GRM7: variants seen among roughly 807,000 people sequenced by gnomAD.
GRM7 encodes the protein glutamate metabotropic receptor 7, also known as metabotropic glutamate receptor 7.
Under a neutral mutation model 84.5 loss-of-function variants are expected in GRM7, and 35 were observed. That is an observed-to-expected ratio of 0.41 (90% confidence interval 0.32 to 0.55). The LOEUF (loss-of-function observed/expected upper bound fraction) is 0.55. GRM7 is among the 20% of genes least tolerant of loss of function. The pLI, the probability that GRM7 is intolerant of heterozygous loss-of-function variation, is 0.19. For missense variants in GRM7, 1,003 were observed against 1,194.6 expected, an observed-to-expected ratio of 0.84 and a Z score of 2.36; for synonymous variants, 487 against 455.1, an observed-to-expected ratio of 1.07 and a Z score of -0.89.
At position 7,486,238 on chromosome 3, in the gene GRM7, T is replaced by C. The variant is rs1699317280; in HGVS notation, c.1515+24516T>C. Among the ~76,000 whole-genome samples the C allele has an allele frequency of 6.6e-6, 1 of 152,168 alleles. No individual in the cohort carries two copies. The highest frequency in any genetic ancestry group is 2.4e-5 in the African/African-American group (1 of 41,432). On this transcript the variant is annotated intron_variant, in intron 7 of 9. Coordinates refer to ENST00000357716, the MANE Select transcript of GRM7 (RefSeq NM_000844.4). The surrounding 1 kb of genome is among the most constrained non-coding windows in gnomAD (Gnocchi z 5.5). ...TTGGTTCCTTCTATTTCCCCTTGTT[T>C]TATTTGTATTTAAGTGTTTTTGCTT...
intron 1 of GRM7, among the ~76,000 whole-genome samples, chr3:7,035,955 T>C (rs1696372739): frequency 6.6e-6 from 1 of 152,236 alleles, no homozygotes; most frequent in Non-Finnish European, 1.5e-5. Flanking sequence ...GCTAAAGTTA[T>C]GACATGCACC....
At chr3:7,305,061 A>G (rs1046262932) in intron 3 of GRM7, among the ~76,000 whole-genome samples, 2 of 152,214 alleles carry the variant, frequency 1.3e-5, no homozygotes, top group African/African-American at 2.4e-5. Flanking sequence ...TCTGATATGT[A>G]TCAGATTTTT....
At chr3:7,180,000 A>G (rs1695284376) in intron 2 of GRM7, among the ~76,000 whole-genome samples, 1 of 152,238 alleles carries the variant, frequency 6.6e-6, no homozygotes, top group Non-Finnish European at 1.5e-5. Context: ...ACTGGTTAAC[A>G]GGGAATTTCA....
At chr3:7,643,393 G>A (rs1208993575) in intron 8 of GRM7, among the ~76,000 whole-genome samples, 10 of 152,010 alleles carry the variant, frequency 6.6e-5, no homozygotes, top group Admixed American at 3.3e-4. Flanking sequence ...GAAAACTGAA[G>A]TACTCATGCC....
chr3:7,406,585 A>G (rs1171082288), intron 4 of GRM7, among the ~76,000 whole-genome samples: 2 of 152,210 alleles, frequency 1.3e-5, no homozygotes, highest in Non-Finnish European at 2.9e-5. Context: ...AGTTTCAAAC[A>G]TTATCAATAT....
intron 2 of GRM7, among the ~76,000 whole-genome samples, chr3:7,290,591 C>A (rs558141435): frequency 6.6e-6 from 1 of 152,274 alleles, no homozygotes; most frequent in African/African-American, 2.4e-5. Context: ...GAGGTGTGGT[C>A]CTCACTGGCA....
chr3:6,922,489 C>T (rs1194007946), intron 1 of GRM7, among the ~76,000 whole-genome samples: 4 of 152,152 alleles, frequency 2.6e-5, no homozygotes, highest in Non-Finnish European at 4.4e-5. Flanking sequence ...AGATTAGATG[C>T]TGTCAAATAG....
At chr3:7,224,358 G>C (rs79372265) in intron 2 of GRM7, among the ~76,000 whole-genome samples, 4,378 of 152,218 alleles carry the variant, frequency 0.029, 209 homozygotes, top group African/African-American at 0.1. Context: ...AGTATCAAAG[G>C]GGGATGGTGC....
At chr3:7,724,043 C>T (rs1354419379) in intron 9 of GRM7, among the ~76,000 whole-genome samples, 7 of 152,088 alleles carry the variant, frequency 4.6e-5, no homozygotes, top group African/African-American at 2.4e-5. Context: ...ACAGAAAGCA[C>T]GTCCACAGAG....
rs111517177 is a variant in GRM7, at chr3:7,667,269, T to TAAAA, written c.2452-12771_2452-12768dup. On this transcript the variant is annotated intron_variant, in intron 8 of 9. Coordinates refer to ENST00000357716, the MANE Select transcript of GRM7 (RefSeq NM_000844.4). ...GGTGACAGAGTGAGACCCTGTCTGT[T>TAAAA]AAAAAAAAAAAAGAGAGAGAGAGAG... Among the ~76,000 whole-genome samples the TAAAA allele has an allele frequency of 4.7e-4, 66 of 140,810 alleles. 1 individual carries two copies. The highest frequency in any genetic ancestry group is 7.2e-4 in the Admixed American group (10 of 13,882). 92.4% of individuals were successfully genotyped at this position (140,810 alleles called of 152,430 possible).
chr3:7,197,711 TTC>T (rs1432312948), intron 2 of GRM7, among the ~76,000 whole-genome samples: 8 of 151,150 alleles, frequency 5.3e-5, no homozygotes, highest in African/African-American at 2.0e-4. Flanking sequence ...TTTTTTTTTT[TTC>T]TAGTTTAACC....
chr3:7,261,434 T>C lies in GRM7; in HGVS notation c.737-37250T>C, dbSNP rs544792048. Among the ~76,000 whole-genome samples, 120 of 152,322 alleles carry C rather than the reference T, an allele frequency of 7.9e-4. 1 individual carries two copies. Among genetic ancestry groups the C allele is most frequent in the African/African-American group, 2.8e-3 (117 of 41,574 alleles). On this transcript the variant is annotated intron_variant, in intron 2 of 9. Coordinates refer to ENST00000357716, the MANE Select transcript of GRM7 (RefSeq NM_000844.4). ...TTGCAACCCATGCTTTTTTCTGTTA[T>C]CCATTTGCTTGGTAGATTTTTCTCC...
At chr3:7,343,437 C>G (rs1692737963) in intron 4 of GRM7, among the ~76,000 whole-genome samples, 1 of 152,036 alleles carries the variant, frequency 6.6e-6, no homozygotes, top group Non-Finnish European at 1.5e-5. Flanking sequence ...TGGTATCAAA[C>G]TCCTGAGCTC....
At position 6,946,529 on chromosome 3, in the gene GRM7, A is replaced by G. The variant is rs546705916; in HGVS notation, c.519+84622A>G. 5.9e-5 allele frequency among the ~76,000 whole-genome samples: 9 copies of G among 152,244 alleles called. No homozygotes were observed. In the South Asian group the frequency reaches 1.0e-3, roughly 18 times the overall value. On this transcript the variant is annotated intron_variant, in intron 1 of 9. Coordinates refer to ENST00000357716, the MANE Select transcript of GRM7 (RefSeq NM_000844.4). ...GCTTTGTTCTTTTGGCTTAGGATTG[A>G]CATGGCAATGCAGGCTCTTTTTTGG...
At chr3:7,621,495 G>A (rs1454696291) in intron 8 of GRM7, among the ~76,000 whole-genome samples, 1 of 152,124 alleles carries the variant, frequency 6.6e-6, no homozygotes, top group Non-Finnish European at 1.5e-5. Flanking sequence ...TGTAAAATGT[G>A]ACTTGCATTA....
At chr3:7,064,669 A>G (rs1020118177) in intron 1 of GRM7, among the ~76,000 whole-genome samples, 2 of 151,080 alleles carry the variant, frequency 1.3e-5, no homozygotes, top group African/African-American at 4.9e-5. Flanking sequence ...GTGTGCAAGT[A>G]TCTTTTTCGA....
intron 1 of GRM7, among the ~76,000 whole-genome samples, chr3:6,883,414 C>T (rs1206157464): frequency 2.0e-5 from 3 of 152,050 alleles, no homozygotes; most frequent in Non-Finnish European, 2.9e-5. Flanking sequence ...AGGGAGAAAT[C>T]ATCAGTCACT....
At chr3:6,985,770 A>G (rs552428697) in intron 1 of GRM7, among the ~76,000 whole-genome samples, 2 of 152,228 alleles carry the variant, frequency 1.3e-5, no homozygotes, top group Non-Finnish European at 2.9e-5. Context: ...CAGGAACAAA[A>G]ACGTGTTATT....
chr3:7,478,849 G>A lies in GRM7; in HGVS notation c.1515+17127G>A, dbSNP rs1056785331. Among the ~76,000 whole-genome samples, 4 of 152,126 alleles carry A rather than the reference G, an allele frequency of 2.6e-5. No individual in the cohort carries two copies. In the East Asian group the frequency reaches 5.8e-4, roughly 22 times the overall value. On this transcript the variant is annotated intron_variant, in intron 7 of 9. Coordinates refer to ENST00000357716, the MANE Select transcript of GRM7 (RefSeq NM_000844.4). Reference sequence around the variant, plus strand: ...ATGCAGTCACCTGCACATCTTTGACGGGTTAGCTTTTGTTTTACTGACTCC... The same window carrying A: ...ATGCAGTCACCTGCACATCTTTGACAGGTTAGCTTTTGTTTTACTGACTCC...
Sources: allele counts gnomAD v4.1 joint callset (sites outside exome capture counted in the v4.1 genomes callset), GRCh38; gene constraint gnomAD v4.1.1; non-coding constraint Gnocchi (gnomAD v3.1); transcripts MANE v1.5; gene names NCBI Gene and HGNC (gene_info 2026-07-23, HGNC 2026-07-21).